RIMS1: variants seen among roughly 807,000 people sequenced by gnomAD.
The protein encoded by RIMS1 is regulating synaptic membrane exocytosis 1.
Under a neutral mutation model 214.1 loss-of-function variants are expected in RIMS1, and 83 were observed. That is an observed-to-expected ratio of 0.39 (90% CI 0.32 to 0.47). The LOEUF (loss-of-function observed/expected upper bound fraction) is 0.47, where lower values mean the gene tolerates loss of function less well. Ranked by LOEUF, RIMS1 falls within the 20% of genes least tolerant of loss-of-function variation. The pLI, the probability that RIMS1 is intolerant of heterozygous loss-of-function variation, is 0.99. For synonymous variants in RIMS1, 793 were observed against 786.8 expected (o/e 1.01, Z -0.13); for missense variants, 2,050 against 2,161.8 (o/e 0.95, Z 1.03).
chr6:72,241,496 A>G (rs2066901461), intron 9 of RIMS1, among the ~76,000 whole-genome samples: 1 of 152,176 alleles, frequency 6.6e-6, no homozygotes, highest in Non-Finnish European at 1.5e-5. Context: ...AGTTAAAATA[A>G]CAACTGTAAG....
Position 72,160,535 on chromosome 6 carries a change from C to T in RIMS1, c.472-19040C>T, listed in dbSNP as rs1261356980. Among the ~76,000 whole-genome samples, 16 of 139,240 alleles carry T rather than the reference C, an allele frequency of 1.1e-4. 1 individual carries two copies. Among genetic ancestry groups the T allele is most frequent in the African/African-American group, 3.7e-4 (15 of 40,340 alleles). The allele number at this position is 139,240 out of a possible 152,430, so 91.3% of individuals were successfully genotyped here. A position where few individuals can be genotyped will look rare whatever the true frequency, so the allele number is the denominator to read the frequency against. Reference sequence around the variant, plus strand: ...GGCTGTGGGTTTGTCATAAATAGCTCTTATTATTTTGAGATGCATCCCATC... The same window carrying T: ...GGCTGTGGGTTTGTCATAAATAGCTTTTATTATTTTGAGATGCATCCCATC... On this transcript the variant is annotated intron_variant, in intron 4 of 33. Coordinates refer to ENST00000521978, the MANE Select transcript of RIMS1 (RefSeq NM_014989.7).
At chr6:72,186,903 G>A (rs2049198776) in intron 6 of RIMS1, among the ~76,000 whole-genome samples, 1 of 152,202 alleles carries the variant, frequency 6.6e-6, no homozygotes, top group South Asian at 2.1e-4. Context: ...GGCCGAGGTG[G>A]GGGGATTTTC....
intron 2 of RIMS1, among the ~76,000 whole-genome samples, chr6:72,065,012 T>G (rs1210732103): frequency 1.3e-5 from 2 of 152,232 alleles, no homozygotes; most frequent in African/African-American, 2.4e-5. Context: ...GTATGAAGGT[T>G]ATTTATTTGA....
intron 28 of RIMS1, chr6:72,316,619 A>G (rs1034524070): frequency 3.2e-5 from 15 of 463,238 alleles, no homozygotes; most frequent in African/African-American, 2.2e-4. Flanking sequence ...CAAGAGAGCA[A>G]CCAGCCTGGA....
intron 1 of RIMS1, among the ~76,000 whole-genome samples, chr6:71,920,752 T>C (rs1779734443): frequency 6.6e-6 from 1 of 152,176 alleles, no homozygotes; most frequent in Non-Finnish European, 1.5e-5. Flanking sequence ...AATGAGCCTA[T>C]TTACACAACA....
chr6:71,989,643 T>C (rs1325794987), intron 2 of RIMS1, among the ~76,000 whole-genome samples: 1 of 152,248 alleles, frequency 6.6e-6, no homozygotes, highest in East Asian at 1.9e-4. Context: ...TGCTACAGTT[T>C]CTTGATTACA....
At chr6:72,262,537 C>G (rs1277011245) in intron 19 of RIMS1, 3 of 984,750 alleles carry the variant, frequency 3.0e-6, no homozygotes, top group South Asian at 4.7e-5. Flanking sequence ...CTTTCATTCT[C>G]TAATGTGTAA....
intron 2 of RIMS1, among the ~76,000 whole-genome samples, chr6:72,001,330 T>C (rs1050834938): frequency 6.6e-6 from 1 of 152,198 alleles, no homozygotes; most frequent in African/African-American, 2.4e-5. Flanking sequence ...TTTTCCATTC[T>C]TCTATATATG....
intron 6 of RIMS1, among the ~76,000 whole-genome samples, chr6:72,207,567 G>T (rs759610389): frequency 3.3e-4 from 50 of 152,150 alleles, no homozygotes; most frequent in Admixed American, 5.9e-4. Context: ...TATTACTTCA[G>T]ATAGCATTAC....
At chr6:72,310,311 C>G (rs1027065620) in intron 27 of RIMS1, among the ~76,000 whole-genome samples, 5 of 152,128 alleles carry the variant, frequency 3.3e-5, no homozygotes, top group East Asian at 1.9e-4. Flanking sequence ...ATGACCCTAA[C>G]ATCCATCCTG....
intron 1 of RIMS1, among the ~76,000 whole-genome samples, chr6:71,966,264 A>G (rs747983632): frequency 6.6e-6 from 1 of 152,204 alleles, no homozygotes; most frequent in Admixed American, 6.5e-5. Flanking sequence ...GATATATCTT[A>G]TTATGGAAAA....
chr6:72,069,635 T>C (rs1371522866), intron 2 of RIMS1, among the ~76,000 whole-genome samples: 3 of 152,238 alleles, frequency 2.0e-5, no homozygotes, highest in Non-Finnish European at 4.4e-5. Context: ...TTACTCACCC[T>C]ATGATCTATA....
At chr6:72,081,109 A>C (rs920025632) in intron 2 of RIMS1, among the ~76,000 whole-genome samples, 1 of 152,182 alleles carries the variant, frequency 6.6e-6, no homozygotes, top group Non-Finnish European at 1.5e-5. Flanking sequence ...ATATTTACCA[A>C]TTGCCTGTTC....
At chr6:72,316,606 C>T (rs981661114) in intron 28 of RIMS1, 14 of 450,476 alleles carry the variant, frequency 3.1e-5, no homozygotes, top group Non-Finnish European at 4.3e-5. Context: ...TCACAGGCTG[C>T]ACCAAGAGAG....
chr6:72,400,468 G>A lies in RIMS1; in HGVS notation c.4861-28G>A, dbSNP rs1479056561. On this transcript the variant is annotated intron_variant, in intron 33 of 33. Transcript: ENST00000521978. ...GAATGTGAAGCAGAGAGAAGTCCAG[G>A]TAATGTTGCATTTCTCTATCTCTGC... The A allele has an allele frequency of 3.8e-6, 6 of 1,585,568 alleles. No individual in the cohort carries two copies. The African/African-American group carries it at 4.0e-5, about 11-fold the overall frequency.
At chr6:71,964,289 T>TC (rs1793821839) in intron 1 of RIMS1, among the ~76,000 whole-genome samples, 2 of 152,142 alleles carry the variant, frequency 1.3e-5, no homozygotes, top group Admixed American at 6.6e-5. Flanking sequence ...CCTGATGCTA[T>TC]CCTAAGGACT....
chr6:72,273,683 A>C (rs2084647283), intron 22 of RIMS1, among the ~76,000 whole-genome samples: 1 of 152,192 alleles, frequency 6.6e-6, no homozygotes, highest in South Asian at 2.1e-4. Context: ...TTATCATTTC[A>C]TGTATCTATG....
chr6:72,260,758 A>G lies in RIMS1; in HGVS notation c.3107A>G (p.His1036Arg), dbSNP rs2077606163. The part of the protein sequence containing the change: ...AKRGRSAECL[H>R]TTRHLVRHYK... ...CGAGGACGAAGTGCAGAATGCCTAC[A>G]TACTACCAGGTAAATACAGGGATTT... The change falls in exon 19 of 34, where the codon CAT becomes CGT. Residue 1036 changes from histidine to arginine, a missense_variant. His to Arg is a conservative substitution (Grantham distance 29, BLOSUM62 0). Coordinates refer to ENST00000521978, the MANE Select transcript of RIMS1 (RefSeq NM_014989.7). 2.5e-6 allele frequency: 4 copies of G among 1,612,332 alleles called. No individual in the cohort carries two copies. The highest frequency in any genetic ancestry group is 1.1e-5 in the South Asian group (1 of 90,908).
At chr6:71,981,794 T>A (rs180843287) in intron 2 of RIMS1, among the ~76,000 whole-genome samples, 6 of 152,250 alleles carry the variant, frequency 3.9e-5, no homozygotes, top group East Asian at 3.9e-4. Context: ...TATTTTTTTT[T>A]AAATCATTCA....
Sources: gnomAD v4.1 joint callset for allele counts (sites outside exome capture counted in the v4.1 genomes callset) on GRCh38, gnomAD v4.1.1 for gene constraint, MANE v1.5 for transcripts, NCBI Gene and HGNC (gene_info 2026-07-23, HGNC 2026-07-21) for gene names.